The following FBXO28 variants were observed in gnomAD, a reference collection of about 807,000 sequenced individuals.
FBXO28 encodes the protein F-box protein 28, also known as F-box only protein 28.
FBXO28 carries 8 observed loss-of-function variants against 38.1 expected under a neutral mutation model. The ratio of observed to expected loss-of-function variants is 0.21; its 90% CI spans 0.12 to 0.38. The LOEUF (loss-of-function observed/expected upper bound fraction) is 0.38. Ranked by LOEUF, FBXO28 falls within the 10% of genes least tolerant of loss-of-function variation. FBXO28 has a pLI of 1.00. For synonymous variants in FBXO28, 168 were observed against 173.8 expected (o/e 0.97, Z 0.26); for missense variants, 345 against 460.6 (o/e 0.75, Z 2.30).
At position 224,160,036 on chromosome 1, in the gene FBXO28, A is replaced by G. The variant is rs1276883841; in HGVS notation, c.*2290A>G. ...GTACTTGTTAATGCATGAATGTTCC[A>G]TGCAGTAGGAGAATAAAGCACTACA... is the stretch of plus-strand genomic sequence containing the variant. On this transcript the variant is annotated 3_prime_UTR_variant, in exon 5 of 5. Coordinates refer to ENST00000366862, the MANE Select transcript of FBXO28 (RefSeq NM_015176.4). The G allele has an allele frequency of 6.6e-6, 1 of 152,216 alleles. No homozygotes were observed. 9.4% of individuals were successfully genotyped at this position (152,216 alleles called of 1,614,324 possible).
At chr1:224,119,528 C>T (rs1656724121) in intron 1 of FBXO28, among the ~76,000 whole-genome samples, 1 of 151,942 alleles carries the variant, frequency 6.6e-6, no homozygotes, top group Admixed American at 6.6e-5. Flanking sequence ...AAATTATAAT[C>T]TCTTGGGGGC....
At chr1:224,127,259 G>T (rs1572009621) in intron 1 of FBXO28, among the ~76,000 whole-genome samples, 1 of 151,450 alleles carries the variant, frequency 6.6e-6, no homozygotes, top group South Asian at 2.1e-4. Flanking sequence ...GAGTTTTCCA[G>T]TAGCCACATG....
chr1:224,119,795 T>G (rs10753448), intron 1 of FBXO28, among the ~76,000 whole-genome samples: 141,079 of 152,242 alleles, frequency 0.93, 66,210 homozygotes, highest in Non-Finnish European at 1. Flanking sequence ...GATGTGTAAA[T>G]TATTGAAGTG....
intron 3 of FBXO28, among the ~76,000 whole-genome samples, chr1:224,139,815 G>A (rs149098727): frequency 3.2e-5 from 4 of 124,816 alleles, no homozygotes; most frequent in African/African-American, 1.2e-4. Context: ...TTGGCCAGGC[G>A]TGGTGGCTCA....
intron 1 of FBXO28, among the ~76,000 whole-genome samples, chr1:224,123,532 AT>A (rs1455458175): frequency 2.0e-5 from 3 of 151,962 alleles, no homozygotes; most frequent in Non-Finnish European, 4.4e-5. Flanking sequence ...CATTTTTGAA[AT>A]CAGTGCATCT....
At chr1:224,131,868 A>G (rs1657056294) in intron 2 of FBXO28, among the ~76,000 whole-genome samples, 1 of 152,216 alleles carries the variant, frequency 6.6e-6, no homozygotes, top group South Asian at 2.1e-4. Flanking sequence ...AAATGAAAAG[A>G]CACCCCACAA....
intron 3 of FBXO28, 118 bp from the exon 4 acceptor site, chr1:224,153,024 A>G (rs928788611): frequency 1.9e-5 from 13 of 673,874 alleles, no homozygotes; most frequent in Non-Finnish European, 3.1e-5. Flanking sequence ...CATCACTTAA[A>G]TCACCCTACA....
At chr1:224,133,922 C>T (rs1209601902) in intron 2 of FBXO28, 152 bp from the exon 3 acceptor site, 4 of 481,334 alleles carry the variant, frequency 8.3e-6, no homozygotes, top group Admixed American at 4.0e-5. Context: ...CATAGTGATT[C>T]ATTCATCATT....
intron 1 of FBXO28, among the ~76,000 whole-genome samples, chr1:224,120,928 T>C (rs1297340404): frequency 6.6e-6 from 1 of 151,636 alleles, no homozygotes; most frequent in Non-Finnish European, 1.5e-5. Flanking sequence ...ATGTTTTCTG[T>C]ATAAACTATA....
At chr1:224,145,508 C>T (rs1018323183) in intron 3 of FBXO28, among the ~76,000 whole-genome samples, 3 of 152,088 alleles carry the variant, frequency 2.0e-5, no homozygotes, top group Non-Finnish European at 4.4e-5. Context: ...ATAGTAAATA[C>T]TAGGCGATGG....
At chr1:224,149,820 G>T (rs950837777) in intron 3 of FBXO28, among the ~76,000 whole-genome samples, 1 of 152,232 alleles carries the variant, frequency 6.6e-6, no homozygotes, top group Non-Finnish European at 1.5e-5. Flanking sequence ...GTTCAGAAAA[G>T]ACTTCTGAGA....
At position 224,130,503 on chromosome 1, in the gene FBXO28, G is replaced by A; in HGVS notation, c.299G>A (p.Arg100Lys). The A allele has an allele frequency of 6.2e-7, 1 of 1,613,954 alleles. No homozygotes were observed. The highest frequency in any genetic ancestry group is 8.5e-7 in the Non-Finnish European group (1 of 1,179,884). Residue 100 changes from arginine (R) to lysine (K), a missense_variant, in exon 2 of 5, where the codon AGA becomes AAA. By Grantham distance (26) the Arg-to-Lys change is conservative. This residue lies in a region of FBXO28 where 56 missense variants were observed against 99.8 expected (regional missense o/e 0.56). Transcript: ENST00000366862. Reference sequence around the variant, plus strand: ...AAAAGAATGGACTTGGTCTGCCAGAGAATGTTGAATCAGGGATTTCTGAAA... The same window carrying A: ...AAAAGAATGGACTTGGTCTGCCAGAAAATGTTGAATCAGGGATTTCTGAAA... ...VCKRMDLVCQ[R>K]MLNQGFLKVE... is the part of the protein sequence containing the mutation.
intron 1 of FBXO28, 89 bp from the exon 2 acceptor site, chr1:224,130,383 G>T: frequency 1.2e-6 from 1 of 809,082 alleles, no homozygotes; most frequent in Non-Finnish European, 2.1e-6. Flanking sequence ...ATAATAGTGG[G>T]ATACAGAGAG....
rs2048994 is a variant in FBXO28 at position 224,160,216 on chromosome 1, G to A, written c.*2470G>A. 3 of 152,152 alleles carry A rather than the reference G, an allele frequency of 2.0e-5. No individual in the cohort carries two copies. Among genetic ancestry groups the A allele is most frequent in the African/African-American group, 7.2e-5 (3 of 41,386 alleles). 9.4% of individuals were successfully genotyped at this position (152,152 alleles called of 1,614,324 possible). A position where few individuals can be genotyped will look rare whatever the true frequency, so the allele number is the denominator to read the frequency against. ...GGTTCAACAAACCGCAGATTATTAT[G>A]ATCAGCTAGAACTGACATATGTTAC... On this transcript the variant is annotated 3_prime_UTR_variant, in exon 5 of 5. Coordinates refer to ENST00000366862, the MANE Select transcript of FBXO28 (RefSeq NM_015176.4).
intron 1 of FBXO28, among the ~76,000 whole-genome samples, chr1:224,122,212 G>A (rs1237203433): frequency 2.0e-5 from 3 of 152,116 alleles, no homozygotes; most frequent in Admixed American, 6.5e-5. Flanking sequence ...GTTGTGATTC[G>A]TTCATTATTC....
At chr1:224,140,945 C>CAAA (rs33940975) in intron 3 of FBXO28, among the ~76,000 whole-genome samples, 71 of 144,004 alleles carry the variant, frequency 4.9e-4, no homozygotes, top group East Asian at 2.2e-3. Context: ...GATTCTGTCT[C>CAAA]AAAAAAAAAA....
chr1:224,140,816 C>T lies in FBXO28; in HGVS notation c.516+6604C>T, dbSNP rs149423534. 7.9e-3 allele frequency among the ~76,000 whole-genome samples: 1,197 copies of T among 151,900 alleles called. 18 individuals carry two copies. Among genetic ancestry groups the T allele is most frequent in the African/African-American group, 0.027 (1,115 of 41,398 alleles). ...AAAAAATTAGCCGAGCATGGTGGCACGTGCCTGTAATTCCAGCTACTCAGA... is the reference window on the plus strand; with the variant it reads ...AAAAAATTAGCCGAGCATGGTGGCATGTGCCTGTAATTCCAGCTACTCAGA... On this transcript the variant is annotated intron_variant, in intron 3 of 4. Coordinates refer to ENST00000366862, the MANE Select transcript of FBXO28 (RefSeq NM_015176.4).
At chr1:224,140,817 G>A (rs572835301) in intron 3 of FBXO28, among the ~76,000 whole-genome samples, 41 of 151,822 alleles carry the variant, frequency 2.7e-4, no homozygotes, top group East Asian at 7.8e-4. Context: ...ATGGTGGCAC[G>A]TGCCTGTAAT....
chr1:224,150,092 G>GGCAGA (rs1657605458), intron 3 of FBXO28, among the ~76,000 whole-genome samples: 1 of 2,666 alleles, frequency 3.8e-4, no homozygotes, highest in African/African-American at 3.9e-4. Flanking sequence ...GGGAGGCCAA[G>GGCAGA]GCAGGCAGAT....
Sources: gnomAD v4.1 joint callset for allele counts (sites outside exome capture counted in the v4.1 genomes callset) on GRCh38, gnomAD v4.1.1 for gene constraint, gnomAD v4.1.1 regional missense constraint, MANE v1.5 for transcripts, NCBI Gene and HGNC (gene_info 2026-07-23, HGNC 2026-07-21) for gene names.